Variants in DAPP1 observed in about 807,000 individuals in gnomAD.
DAPP1 encodes the protein dual adaptor of phosphotyrosine and 3-phosphoinositides 1.
DAPP1 carries 20 observed loss-of-function variants against 41.5 expected under a neutral mutation model. That is an observed-to-expected ratio of 0.48 (90% confidence interval 0.34 to 0.70). The LOEUF is 0.70. Among genes scored for constraint, DAPP1 ranks in the 30% least tolerant of loss-of-function variants. The probability of loss-of-function intolerance (pLI) is 0.01; values close to 1 mark genes in which losing one functional copy is unlikely to be tolerated. For missense variants in DAPP1, 233 were observed against 333.4 expected (o/e 0.70, Z 2.35); for synonymous variants, 113 against 116.2 (o/e 0.97, Z 0.18).
intron 1 of DAPP1, among the ~76,000 whole-genome samples, chr4:99,824,737 T>G (rs2110134707): frequency 6.6e-6 from 1 of 152,310 alleles, no homozygotes; most frequent in South Asian, 2.1e-4. Flanking sequence ...TGATTTTACT[T>G]GAAGATGAGC....
chr4:99,847,975 G>A (rs947444369), intron 3 of DAPP1, among the ~76,000 whole-genome samples: 9 of 151,722 alleles, frequency 5.9e-5, no homozygotes, highest in East Asian at 1.9e-4. Context: ...CACCATGCCC[G>A]GCTAATTTTT....
intron 1 of DAPP1, among the ~76,000 whole-genome samples, chr4:99,821,222 T>C (rs1021938102): frequency 6.6e-6 from 1 of 152,216 alleles, no homozygotes; most frequent in African/African-American, 2.4e-5. Context: ...ATCAGCACCA[T>C]ACCATTCACA....
At chr4:99,823,686 A>G (rs1475009056) in intron 1 of DAPP1, among the ~76,000 whole-genome samples, 1 of 152,210 alleles carries the variant, frequency 6.6e-6, no homozygotes, top group African/African-American at 2.4e-5. Flanking sequence ...GAAGGTTCAT[A>G]GGAATGTGGA....
intron 3 of DAPP1, among the ~76,000 whole-genome samples, chr4:99,849,746 G>C (rs1348945549): frequency 6.6e-6 from 1 of 152,212 alleles, no homozygotes; most frequent in Non-Finnish European, 1.5e-5. Context: ...TAAGGCAGCT[G>C]ATCAAATAAC....
intron 3 of DAPP1, among the ~76,000 whole-genome samples, chr4:99,851,466 C>T (rs1027155991): frequency 1.3e-5 from 2 of 151,720 alleles, no homozygotes; most frequent in Admixed American, 1.3e-4. Flanking sequence ...TATCAAAAGC[C>T]ACAGTTCTGT....
intron 1 of DAPP1, among the ~76,000 whole-genome samples, chr4:99,823,658 G>T (rs946805036): frequency 6.6e-6 from 1 of 152,196 alleles, no homozygotes; most frequent in African/African-American, 2.4e-5. Context: ...TTTGGTCAAT[G>T]AACAATGTGG....
chr4:99,825,378 C>T lies in DAPP1; in HGVS notation c.101+8364C>T, dbSNP rs1248074768. Among the ~76,000 whole-genome samples, 3 of 152,190 alleles carry T rather than the reference C, an allele frequency of 2.0e-5. No homozygotes were observed. The East Asian group carries it at 5.8e-4, about 29-fold the overall frequency. On this transcript the variant is annotated intron_variant, in intron 1 of 8. Coordinates refer to ENST00000512369, the MANE Select transcript of DAPP1 (RefSeq NM_014395.3). ...AGACTTCTTCAAGAACAGGTTCATC[C>T]TGATCTCAAACTCCTACAGAATTCT...
chr4:99,817,561 C>A (rs1469317844), intron 1 of DAPP1, among the ~76,000 whole-genome samples: 1 of 152,030 alleles, frequency 6.6e-6, no homozygotes, highest in Non-Finnish European at 1.5e-5. Flanking sequence ...GTATGTATGT[C>A]CAGAGAGCCA....
At chr4:99,831,009 C>G (rs1723102880) in intron 1 of DAPP1, among the ~76,000 whole-genome samples, 1 of 152,096 alleles carries the variant, frequency 6.6e-6, no homozygotes, top group South Asian at 2.1e-4. Flanking sequence ...TTAGAAAAAT[C>G]TGATCAAGCT....
intron 3 of DAPP1, among the ~76,000 whole-genome samples, chr4:99,845,668 A>G (rs536341313): frequency 2.0e-5 from 3 of 152,332 alleles, no homozygotes; most frequent in African/African-American, 7.2e-5. Flanking sequence ...AGTGTGAATC[A>G]ACTTTAACTT....
chr4:99,833,156 C>T (rs918397309), intron 1 of DAPP1, among the ~76,000 whole-genome samples: 3 of 152,182 alleles, frequency 2.0e-5, no homozygotes, highest in African/African-American at 4.8e-5. Flanking sequence ...AGAATTTTGG[C>T]TTCAGTTGAA....
At chr4:99,867,446 A>C (rs1724502013) in intron 8 of DAPP1, among the ~76,000 whole-genome samples, 1 of 152,218 alleles carries the variant, frequency 6.6e-6, no homozygotes, top group Non-Finnish European at 1.5e-5. Flanking sequence ...ATGATGTACC[A>C]CTACACACCC....
intron 2 of DAPP1, among the ~76,000 whole-genome samples, chr4:99,839,387 ATATAGATTAGATATC>A (rs1181781128): frequency 2.0e-5 from 3 of 146,546 alleles, no homozygotes; most frequent in Non-Finnish European, 4.5e-5. Flanking sequence ...CTATAGATAT[ATATAGATTAGATATC>A]TATAGATATA....
At chr4:99,838,677 T>G (rs1723384746) in intron 2 of DAPP1, among the ~76,000 whole-genome samples, 1 of 152,228 alleles carries the variant, frequency 6.6e-6, no homozygotes, top group Non-Finnish European at 1.5e-5. Flanking sequence ...GCTCACCCAC[T>G]GCTCACCTCC....
At chr4:99,843,539 C>G (rs1316502087) in intron 3 of DAPP1, among the ~76,000 whole-genome samples, 2 of 152,166 alleles carry the variant, frequency 1.3e-5, no homozygotes, top group African/African-American at 4.8e-5. Context: ...GCCATAATCT[C>G]TATTTCATCT....
chr4:99,822,994 G>T (rs1264631731), intron 1 of DAPP1, among the ~76,000 whole-genome samples: 8 of 152,122 alleles, frequency 5.3e-5, no homozygotes, highest in Non-Finnish European at 1.2e-4. Context: ...TCTGTTGTTA[G>T]ACCTTCTTTG....
chr4:99,858,158 AG>A (rs1249865058), intron 4 of DAPP1, among the ~76,000 whole-genome samples: 1 of 152,212 alleles, frequency 6.6e-6, no homozygotes, highest in African/African-American at 2.4e-5. Context: ...AAGCTTCACT[AG>A]TTTTCTCAGT....
chr4:99,842,536 G>C (rs1723527481), intron 3 of DAPP1, among the ~76,000 whole-genome samples: 1 of 152,226 alleles, frequency 6.6e-6, no homozygotes, highest in African/African-American at 2.4e-5. Context: ...AAAGCCATCA[G>C]GGCTAGGAAC....
chr4:99,863,897 G>A, intron 7 of DAPP1, 42 bp downstream of exon 7: 1 of 1,290,656 alleles, frequency 7.7e-7, no homozygotes, highest in Non-Finnish European at 1.1e-6. Flanking sequence ...ATGTCTTCTT[G>A]CCAGACACTT....
Sources: gnomAD v4.1 joint callset for allele counts (sites outside exome capture counted in the v4.1 genomes callset) on GRCh38, gnomAD v4.1.1 for gene constraint, MANE v1.5 for transcripts, NCBI Gene and HGNC (gene_info 2026-07-23, HGNC 2026-07-21) for gene names.